CDCP2: variants seen among roughly 807,000 people sequenced by gnomAD.
CDCP2 encodes CUB domain-containing protein 2.
CDCP2 carries 31 observed loss-of-function variants against 31.0 expected under a neutral mutation model. The ratio of observed to expected loss-of-function variants is 1.00; its 90% confidence interval spans 0.75 to 1.35. The LOEUF is 1.35. Ranked by LOEUF, CDCP2 falls within the 40% of genes most tolerant of loss-of-function variation. The pLI, the probability that CDCP2 is intolerant of heterozygous loss-of-function variation, is 0.00. For synonymous variants in CDCP2, 206 were observed against 207.9 expected (o/e 0.99, Z 0.08); for missense variants, 443 against 482.6 (o/e 0.92, Z 0.77).
Position 54,140,115 on chromosome 1 carries a change from G to C in CDCP2, c.764-9C>G, listed in dbSNP as rs575287270. The C allele has an allele frequency of 1.6e-5, 26 of 1,611,454 alleles. No individual in the cohort carries two copies. Among genetic ancestry groups the C allele is most frequent in the Middle Eastern group, 1.6e-4 (1 of 6,070 alleles). ...TACCTCCTGGCATTCTCCTGGATGG[G>C]GGATGGGGAGGTGGAAGGAGCAACA... On this transcript the variant is annotated splice_polypyrimidine_tract_variant and intron_variant, in intron 3 of 5. Coordinates refer to ENST00000530059, the Ensembl canonical transcript of CDCP2.
At chr1:54,151,025 G>A (rs186052133) in intron 1 of CDCP2, among the ~76,000 whole-genome samples, 59 of 152,288 alleles carry the variant, frequency 3.9e-4, no homozygotes, top group African/African-American at 1.3e-3. Context: ...TCTGGGGTCC[G>A]GGGAGAGGAA....
chr1:54,137,115 A>G (rs1296362922), intron 4 of CDCP2, among the ~76,000 whole-genome samples: 2 of 152,194 alleles, frequency 1.3e-5, no homozygotes, highest in African/African-American at 4.8e-5. Context: ...GTTCTTAATA[A>G]TTATAAAAAT....
exon 3 of CDCP2, chr1:54,141,226 G>C: frequency 6.2e-7 from 1 of 1,613,722 alleles, no homozygotes; most frequent in Non-Finnish European, 8.5e-7. Context: ...GTGCCCACGG[G>C]TGGGGCCAGG....
exon 3 of CDCP2, chr1:54,141,358 C>T (rs1659370552): frequency 1.2e-6 from 2 of 1,614,142 alleles, no homozygotes; most frequent in South Asian, 2.2e-5. Flanking sequence ...GCACTCCATG[C>T]TGTTCGGGTA....
intron 1 of CDCP2, among the ~76,000 whole-genome samples, chr1:54,146,704 C>G (rs773108562): frequency 6.6e-6 from 1 of 151,732 alleles, no homozygotes; most frequent in Non-Finnish European, 1.5e-5. Context: ...TGTCTGGTAC[C>G]AGGTTTAATA....
chr1:54,148,912 C>A (rs1659523186), intron 1 of CDCP2, among the ~76,000 whole-genome samples: 1 of 149,022 alleles, frequency 6.7e-6, no homozygotes, highest in Non-Finnish European at 1.5e-5. Flanking sequence ...AAATATCAAC[C>A]AAATGCAATG....
At chr1:54,139,501 G>A (rs747392365) in intron 4 of CDCP2, 1 of 1,596,316 alleles carries the variant, frequency 6.3e-7, no homozygotes, top group East Asian at 2.2e-5. Flanking sequence ...CAGATGGGGA[G>A]GGGTGAGGAC....
At chr1:54,152,171 C>T (rs1231813071) in intron 1 of CDCP2, among the ~76,000 whole-genome samples, 2 of 152,094 alleles carry the variant, frequency 1.3e-5, no homozygotes, top group Non-Finnish European at 2.9e-5. Flanking sequence ...AATAAAGACT[C>T]TTCAGCAATA....
intron 1 of CDCP2, 81 bp from the exon 2 acceptor site, chr1:54,144,894 A>C (rs977975736): frequency 9.3e-7 from 1 of 1,069,992 alleles, no homozygotes; most frequent in African/African-American, 1.6e-5. Flanking sequence ...CCCAGCTACA[A>C]AGCTGGGTTC....
intron 1 of CDCP2, among the ~76,000 whole-genome samples, chr1:54,148,973 AAAT>A (rs1046606292): frequency 7.1e-5 from 10 of 140,928 alleles, no homozygotes; most frequent in African/African-American, 2.3e-4. Flanking sequence ...TTTAAAAAAA[AAAT>A]ATATATATAT....
At position 54,144,557 on chromosome 1, in the gene CDCP2, C is replaced by T. The variant is rs144244848; in HGVS notation, c.336G>A (p.Pro112=). ...TGACATGCCAGGAGGAGGTGAAGGG[C>T]GGCGGGGGCACCTTGCCGCAGAACC... is the stretch of plus-strand genomic sequence containing the variant. The change falls in exon 2 of 6, where the codon CCG becomes CCA. Residue 112 remains proline (P), a synonymous_variant. Coordinates refer to ENST00000530059, the Ensembl canonical transcript of CDCP2. 3.9e-5 allele frequency: 63 copies of T among 1,613,558 alleles called. 1 individual carries two copies. Among genetic ancestry groups the T allele is most frequent in the African/African-American group, 3.6e-4 (27 of 74,926 alleles).
In CDCP2 at chr1:54,141,088, C is replaced by G. The variant is rs779325072; in HGVS notation, c.763+10G>C. ...AGGAGGATTCAGGGTGGAGCGCCAG[C>G]CCCTCCTACCTGAGAAGTAGTAGGC... On this transcript the variant is annotated intron_variant, in intron 3 of 5. Coordinates refer to ENST00000530059, the Ensembl canonical transcript of CDCP2. 5 of 1,515,392 alleles carry G rather than the reference C, an allele frequency of 3.3e-6. No individual in the cohort carries two copies. Among genetic ancestry groups the G allele is most frequent in the Admixed American group, 2.3e-5 (1 of 44,292 alleles). 93.9% of individuals were successfully genotyped at this position (1,515,392 alleles called of 1,614,324 possible).
At chr1:54,136,985 T>C (rs1019202034) in intron 4 of CDCP2, among the ~76,000 whole-genome samples, 177 bp from the exon 5 acceptor site, 20 of 152,214 alleles carry the variant, frequency 1.3e-4, no homozygotes, top group African/African-American at 3.9e-4. Context: ...CGGGTTACTC[T>C]GTTCACCTCC....
At chr1:54,136,697 G>A (rs1392759888) in exon 5 of CDCP2, 3 of 399,056 alleles carry the variant, frequency 7.5e-6, no homozygotes, top group African/African-American at 2.1e-5. Flanking sequence ...CTCCTGGGCG[G>A]CACAGCTCCG....
At chr1:54,134,416 C>T (rs922209158) in intron 5 of CDCP2, among the ~76,000 whole-genome samples, 2 of 152,236 alleles carry the variant, frequency 1.3e-5, no homozygotes, top group Non-Finnish European at 2.9e-5. Flanking sequence ...GGCCCTGAGA[C>T]AATGGGCCTG....
chr1:54,132,926 G>A (rs1659190079), downstream of CDCP2: 3 of 398,374 alleles, frequency 7.5e-6, no homozygotes, highest in Non-Finnish European at 1.3e-5. Context: ...TCCCTAAGCT[G>A]CCTCCCAGGC....
intron 5 of CDCP2, among the ~76,000 whole-genome samples, chr1:54,133,697 CCATCCTGACTAA>C: frequency 6.6e-6 from 1 of 152,118 alleles, no homozygotes; most frequent in East Asian, 1.9e-4. Flanking sequence ...GAGATCGAGA[CCATCCTGACTAA>C]CACCATGAAA....
chr1:54,140,951 A>G (rs907491894), intron 3 of CDCP2, 147 bp downstream of exon 3: 2 of 608,522 alleles, frequency 3.3e-6, no homozygotes, highest in African/African-American at 1.9e-5. Flanking sequence ...GCATAGGCCA[A>G]GGGTATGCTA....
intron 5 of CDCP2, among the ~76,000 whole-genome samples, chr1:54,133,922 C>CAACAAAAAAAAA: frequency 6.7e-6 from 1 of 148,682 alleles, no homozygotes; most frequent in East Asian, 2.0e-4. Flanking sequence ...ACAAAAAAAA[C>CAACAAAAAAAAA]CCCATGTTAC....
Sources: gnomAD v4.1 joint callset for allele counts (sites outside exome capture counted in the v4.1 genomes callset) on GRCh38, gnomAD v4.1.1 for gene constraint, MANE v1.5 for transcripts, NCBI Gene and HGNC (gene_info 2026-07-23, HGNC 2026-07-21) for gene names.